BICD1: variants seen among roughly 807,000 people sequenced by gnomAD.
BICD1 encodes the protein protein bicaudal D homolog 1.
A neutral mutation model predicts 92.5 loss-of-function variants in BICD1; 35 were observed. The observed-to-expected ratio is 0.38, with a 90% CI of 0.29 to 0.50. The LOEUF (loss-of-function observed/expected upper bound fraction) is 0.50, where lower values mean the gene tolerates loss of function less well. Ranked by LOEUF, BICD1 falls within the 20% of genes least tolerant of loss-of-function variation. The pLI, the probability that BICD1 is intolerant of heterozygous loss-of-function variation, is 0.93. For missense variants in BICD1, 950 were observed against 1,189.8 expected (o/e 0.80, Z 2.97); for synonymous variants, 429 against 465.1 (o/e 0.92, Z 1.00).
At chr12:32,159,068 G>T (rs1295984371) in intron 1 of BICD1, among the ~76,000 whole-genome samples, 1 of 152,086 alleles carries the variant, frequency 6.6e-6, no homozygotes, top group Non-Finnish European at 1.5e-5. Flanking sequence ...CGAGTAGCTG[G>T]AATTACAGTC....
At chr12:32,261,151 T>G (rs1565626345) in intron 2 of BICD1, among the ~76,000 whole-genome samples, 1 of 152,176 alleles carries the variant, frequency 6.6e-6, no homozygotes, top group East Asian at 1.9e-4. Flanking sequence ...TTCACAGGAT[T>G]GATTCCTCCA....
At chr12:32,239,060 C>T (rs1353247596) in intron 2 of BICD1, among the ~76,000 whole-genome samples, 1 of 146,454 alleles carries the variant, frequency 6.8e-6, no homozygotes, top group Non-Finnish European at 1.5e-5. Flanking sequence ...TGCTGGCTAA[C>T]ATGGCGAAAC....
chr12:32,276,877 G>C (rs1178579167), intron 2 of BICD1, among the ~76,000 whole-genome samples: 1 of 152,190 alleles, frequency 6.6e-6, no homozygotes, highest in Non-Finnish European at 1.5e-5. Flanking sequence ...TCCAGGTAGT[G>C]AGCATAGTAA....
At chr12:32,250,519 A>G (rs1946498032) in intron 2 of BICD1, among the ~76,000 whole-genome samples, 1 of 152,226 alleles carries the variant, frequency 6.6e-6, no homozygotes, top group African/African-American at 2.4e-5. Context: ...GTGATGGGAC[A>G]GTGGTGGCAG....
intron 1 of BICD1, 92 bp downstream of exon 1, chr12:32,107,636 A>G (rs954358288): frequency 1.5e-6 from 2 of 1,355,928 alleles, no homozygotes; most frequent in Admixed American, 3.9e-5. Context: ...AAAGGAGGTG[A>G]TTGAAAGGAC....
intron 8 of BICD1, among the ~76,000 whole-genome samples, chr12:32,354,856 A>T (rs1939038887): frequency 1.3e-5 from 2 of 152,126 alleles, no homozygotes; most frequent in African/African-American, 4.8e-5. Context: ...TTTATATATA[A>T]TATTTCTTTC....
Position 32,107,875 on chromosome 12 carries a change from G to A in BICD1, c.213+331G>A. 4.9e-6 allele frequency: 3 copies of A among 610,086 alleles called. No individual in the cohort carries two copies. The South Asian group carries it at 5.7e-5, about 12-fold the overall frequency. 37.8% of individuals were successfully genotyped at this position (610,086 alleles called of 1,614,324 possible). On this transcript the variant is annotated intron_variant, in intron 1 of 9. Transcript: ENST00000652176. ...ATAAATCAAACTTCTCAAAACCGCT[G>A]TTATCTCAAACCCAGGTTTCAGCGA...
At chr12:32,142,453 C>CCTATCTATCTATCTATCTAT (rs71065001) in intron 1 of BICD1, among the ~76,000 whole-genome samples, 3,120 of 112,844 alleles carry the variant, frequency 0.028, 62 homozygotes, top group Non-Finnish European at 0.039. Context: ...ACCTATCTAT[C>CCTATCTATCTATCTATCTAT]CTATCTATCT....
chr12:32,223,361 T>A (rs1334909546), intron 2 of BICD1, among the ~76,000 whole-genome samples: 1 of 151,954 alleles, frequency 6.6e-6, no homozygotes, highest in Non-Finnish European at 1.5e-5. Flanking sequence ...CTACTAAAAA[T>A]ACAAAAATTA....
chr12:32,311,605 A>G (rs890799742), intron 4 of BICD1, among the ~76,000 whole-genome samples: 6 of 152,342 alleles, frequency 3.9e-5, no homozygotes, highest in South Asian at 2.1e-4. Flanking sequence ...CTGGTTGACA[A>G]TTGGTTGAGT....
chr12:32,230,732 C>T (rs2121576432), intron 2 of BICD1, among the ~76,000 whole-genome samples: 1 of 152,250 alleles, frequency 6.6e-6, no homozygotes, highest in South Asian at 2.1e-4. Context: ...ACTTTCCAGC[C>T]ATGTGGAGCA....
intron 1 of BICD1, among the ~76,000 whole-genome samples, chr12:32,153,930 G>T (rs1943363432): frequency 6.6e-6 from 1 of 151,778 alleles, no homozygotes; most frequent in Non-Finnish European, 1.5e-5. Flanking sequence ...ACCAACTCTG[G>T]TCTGGTCACC....
chr12:32,331,322 A>G (rs1937859033), intron 5 of BICD1, among the ~76,000 whole-genome samples: 1 of 152,198 alleles, frequency 6.6e-6, no homozygotes, highest in Non-Finnish European at 1.5e-5. Flanking sequence ...AGCTGTTTAC[A>G]AGACAGGACT....
chr12:32,306,618 AG>A (rs779941435), intron 4 of BICD1, among the ~76,000 whole-genome samples: 9 of 152,336 alleles, frequency 5.9e-5, no homozygotes, highest in Admixed American at 2.0e-4. Flanking sequence ...ACATGACAGA[AG>A]GAGCGTTAAA....
intron 1 of BICD1, among the ~76,000 whole-genome samples, chr12:32,173,491 T>A (rs1944009961): frequency 6.6e-6 from 1 of 152,230 alleles, no homozygotes; most frequent in Non-Finnish European, 1.5e-5. Flanking sequence ...GATGTTCACT[T>A]ATTTCTCAGC....
At chr12:32,348,573 C>T (rs1226894292) in intron 8 of BICD1, among the ~76,000 whole-genome samples, 1 of 151,590 alleles carries the variant, frequency 6.6e-6, no homozygotes, top group East Asian at 1.9e-4. Flanking sequence ...CTGAGGATAG[C>T]GGCCTTCAGA....
intron 3 of BICD1, among the ~76,000 whole-genome samples, chr12:32,303,509 C>G (rs1948121723): frequency 6.6e-6 from 1 of 152,170 alleles, no homozygotes; most frequent in African/African-American, 2.4e-5. Context: ...ATTCTTCACT[C>G]CTCCTCGCAG....
At chr12:32,367,800 C>A in intron 9 of BICD1, 55 bp downstream of exon 9, 1 of 1,504,908 alleles carries the variant, frequency 6.6e-7, no homozygotes, top group Non-Finnish European at 9.2e-7. Flanking sequence ...TCCATAGACC[C>A]CAGCTCCCCT....
chr12:32,357,078 C>A (rs1424963470), intron 8 of BICD1, among the ~76,000 whole-genome samples: 2 of 145,226 alleles, frequency 1.4e-5, no homozygotes, highest in Non-Finnish European at 3.0e-5. Flanking sequence ...ATGGCGCGAT[C>A]TCGGCTCATT....
Sources: gnomAD v4.1 joint callset for allele counts (sites outside exome capture counted in the v4.1 genomes callset) on GRCh38, gnomAD v4.1.1 for gene constraint, MANE v1.5 for transcripts, NCBI Gene and HGNC (gene_info 2026-07-23, HGNC 2026-07-21) for gene names.